Variants in SYNE1 observed in about 807,000 individuals in gnomAD.
The protein encoded by SYNE1 is nesprin-1.
In SYNE1, 616 loss-of-function variants were observed where a neutral mutation model predicts 1,111.0. That is an observed-to-expected ratio of 0.55 (90% CI 0.52 to 0.59). The LOEUF is 0.59. Ranked by LOEUF, SYNE1 falls within the 20% of genes least tolerant of loss-of-function variation. The pLI, the probability that SYNE1 is intolerant of heterozygous loss-of-function variation, is 0.00. For synonymous variants in SYNE1, 3,855 were observed against 3,825.8 expected (o/e 1.01, Z -0.28); for missense variants, 10,006 against 10,417.0 (o/e 0.96, Z 1.72).
chr6:152,152,078 G>A lies in SYNE1; in HGVS notation c.24193C>T (p.Arg8065Cys), dbSNP rs1221780336. 2.5e-5 allele frequency: 40 copies of A among 1,614,032 alleles called. No individual in the cohort carries two copies. Among genetic ancestry groups the A allele is most frequent in the Non-Finnish European group, 3.2e-5 (38 of 1,180,042 alleles). The change falls in exon 134 of 146, where the codon CGC (arginine) becomes TGC (cysteine). Residue 8065 changes from arginine to cysteine, a missense_variant. Arg to Cys is a radical substitution (Grantham distance 180). Coordinates refer to ENST00000367255, the MANE Select transcript of SYNE1 (RefSeq NM_182961.4). ...QLELINKQYR[R>C]LARENRTDSA... ...TCAGTGCGGTTCTCCCTGGCCAGGC[G>A]GCGGTACTGCTTGTTGATCAGTTCC...
At chr6:152,428,707 A>AAATT (rs778367874) in intron 36 of SYNE1, among the ~76,000 whole-genome samples, 1 of 152,180 alleles carries the variant, frequency 6.6e-6, no homozygotes, top group African/African-American at 2.4e-5. Flanking sequence ...TTACTTTTAC[A>AAATT]AATTATATGA....
At chr6:152,445,221 G>A (rs2098571178) in intron 29 of SYNE1, among the ~76,000 whole-genome samples, 1 of 151,880 alleles carries the variant, frequency 6.6e-6, no homozygotes, top group South Asian at 2.1e-4. Flanking sequence ...TTACAAGAAA[G>A]TGAGTCCGTA....
intron 6 of SYNE1, among the ~76,000 whole-genome samples, chr6:152,513,965 A>G (rs2099098806): frequency 6.6e-6 from 1 of 152,222 alleles, no homozygotes; most frequent in East Asian, 1.9e-4. Context: ...GATTATTAAA[A>G]AGTCAGGAAA....
chr6:152,148,885 A>G lies in SYNE1; in HGVS notation c.24643-507T>C, dbSNP rs73780376. Among the ~76,000 whole-genome samples the G allele has an allele frequency of 8.0e-3, 1,225 of 152,266 alleles. 15 individuals are homozygous for G. The highest frequency in any genetic ancestry group is 0.028 in the African/African-American group (1,168 of 41,558). On this transcript the variant is annotated intron_variant, in intron 136 of 145. Coordinates refer to ENST00000367255, the MANE Select transcript of SYNE1 (RefSeq NM_182961.4). This position sits in a 1 kb window ranked among gnomAD's most constrained non-coding sequence, Gnocchi z 4.1. ...GGATCGGAAATAAGAGCAAATTACT[A>G]AGACCTTAGCTTGTCCTTATAGCCC...
intron 99 of SYNE1, 115 bp downstream of exon 99, chr6:152,269,040 T>C: frequency 6.7e-7 from 1 of 1,486,332 alleles, no homozygotes; most frequent in Middle Eastern, 1.7e-4. Flanking sequence ...AAAGAGAAGA[T>C]AAAGAGACAC....
intron 98 of SYNE1, among the ~76,000 whole-genome samples, chr6:152,270,827 G>A (rs1441581847): frequency 2.6e-5 from 4 of 152,188 alleles, no homozygotes; most frequent in African/African-American, 7.2e-5. Flanking sequence ...ATCTTTAGAA[G>A]AGACAATTGC....
chr6:152,347,486 T>C (rs1423221498), intron 72 of SYNE1, among the ~76,000 whole-genome samples: 1 of 152,128 alleles, frequency 6.6e-6, no homozygotes, highest in Non-Finnish European at 1.5e-5. Flanking sequence ...CTAGAATGTG[T>C]TCATGGCTGG....
At chr6:152,322,945 G>C (rs959321899) in intron 82 of SYNE1, among the ~76,000 whole-genome samples, 5 of 152,158 alleles carry the variant, frequency 3.3e-5, no homozygotes, top group African/African-American at 9.7e-5. Context: ...CGGCTTGACT[G>C]TAAACGGCAT....
chr6:152,412,377 T>G (rs186790155), intron 42 of SYNE1, among the ~76,000 whole-genome samples: 61 of 143,840 alleles, frequency 4.2e-4, no homozygotes, highest in African/African-American at 1.5e-3. Context: ...CGAGCAGAGA[T>G]AGCGCCACCG....
rs139258214 is a variant in SYNE1, at chr6:152,417,521, C to CAAACAAACAAAA, written c.5422-507_5422-506insTTTTGTTTGTTT. Among the ~76,000 whole-genome samples the CAAACAAACAAAA allele has an allele frequency of 7.2e-3, 1,094 of 151,750 alleles. 6 individuals are homozygous for CAAACAAACAAAA. Among genetic ancestry groups the CAAACAAACAAAA allele is most frequent in the Non-Finnish European group, 0.011 (750 of 67,916 alleles). On this transcript the variant is annotated intron_variant, in intron 40 of 145. Transcript: ENST00000367255. ...TCAAACAAACAAACAAACAAACAAA[C>CAAACAAACAAAA]AAACACAACTCTGTTTTGGAACTAT...
rs763296949 is a variant in SYNE1, at chr6:152,416,948, A to C, written c.5489T>G (p.Leu1830Trp). The C allele has an allele frequency of 6.2e-7, 1 of 1,614,178 alleles. No individual in the cohort carries two copies. Among genetic ancestry groups the C allele is most frequent in the Admixed American group, 1.7e-5 (1 of 60,028 alleles). Residue 1830 changes from leucine to tryptophan, a missense_variant, in exon 41 of 146, where the codon TTG becomes TGG. Leu to Trp is a moderately conservative substitution (Grantham distance 61). Coordinates refer to ENST00000367255, the MANE Select transcript of SYNE1 (RefSeq NM_182961.4). The part of the protein sequence containing the change: ...LQSLQGHLAK[L>W]GSLGRAEDLH... ...GTCCTCAGCACGGCCCAGAGAACCC[A>C]ACTTTGCTAAGTGACCCTGCAGACT... is the stretch of plus-strand genomic sequence containing the variant.
intron 136 of SYNE1, among the ~76,000 whole-genome samples, 156 bp downstream of exon 136, chr6:152,149,321 C>T (rs534677283): frequency 5.3e-4 from 81 of 152,196 alleles, no homozygotes; most frequent in Non-Finnish European, 1.0e-3. Flanking sequence ...AGTAGCTTGC[C>T]GAAGGTGACA....
chr6:152,425,655 AGT>A (rs2098340699), intron 38 of SYNE1, 108 bp from the exon 39 acceptor site: 4 of 1,288,178 alleles, frequency 3.1e-6, no homozygotes, highest in Non-Finnish European at 4.5e-6. Flanking sequence ...GCAAAATGCA[AGT>A]CATTCGGGAC....
intron 117 of SYNE1, among the ~76,000 whole-genome samples, chr6:152,222,191 C>T (rs1362703872): frequency 1.3e-5 from 2 of 152,336 alleles, no homozygotes; most frequent in East Asian, 3.9e-4. Flanking sequence ...AAAACTCCTT[C>T]TCTCCTTTGT....
chr6:152,227,357 C>A (rs1251743542), intron 115 of SYNE1, among the ~76,000 whole-genome samples: 2 of 152,120 alleles, frequency 1.3e-5, no homozygotes, highest in South Asian at 2.1e-4. Flanking sequence ...TGTTTCAGTG[C>A]AAATTTATTT....
chr6:152,479,713 G>T (rs770309522), intron 14 of SYNE1, among the ~76,000 whole-genome samples: 2 of 152,150 alleles, frequency 1.3e-5, no homozygotes, highest in Non-Finnish European at 2.9e-5. Flanking sequence ...TATTTTTCTA[G>T]ATAACTGAAC....
chr6:152,635,646 G>A (rs2099704747), intron 2 of SYNE1, among the ~76,000 whole-genome samples: 1 of 152,140 alleles, frequency 6.6e-6, no homozygotes, highest in Admixed American at 6.5e-5. Flanking sequence ...TTCTGTATAC[G>A]AATGTTGTCT....
chr6:152,133,474 C>T lies in SYNE1; in HGVS notation c.25803G>A (p.Glu8601=). ...HHKQLMQIKH[E]LLESQLRVAS... ...CTACTCTGAGTTGGGATTCCAACAG[C>T]TCATGCTTTATTTGCTATGCATACA... The change falls in exon 143 of 146, where the codon GAG becomes GAA. Residue 8601 remains glutamate (E), a synonymous_variant. Transcript: ENST00000367255. 6.2e-7 allele frequency: 1 copy of T among 1,614,190 alleles called. No homozygotes were observed. The highest frequency in any genetic ancestry group is 2.2e-5 in the East Asian group (1 of 44,880).
At chr6:152,413,584 T>A in intron 41 of SYNE1, 53 bp from the exon 42 acceptor site, 1 of 1,581,212 alleles carries the variant, frequency 6.3e-7, no homozygotes, top group Non-Finnish European at 8.7e-7. Flanking sequence ...AGTAAATGAA[T>A]ATTTCTTCTC....
Sources: gnomAD v4.1 joint callset for allele counts (sites outside exome capture counted in the v4.1 genomes callset) on GRCh38, gnomAD v4.1.1 for gene constraint, Gnocchi (gnomAD v3.1) non-coding constraint, MANE v1.5 for transcripts, NCBI Gene and HGNC (gene_info 2026-07-23, HGNC 2026-07-21) for gene names.